CAPN14: variants seen among roughly 807,000 people sequenced by gnomAD.
The protein encoded by CAPN14 is calpain 14, also known as calpain-14.
In CAPN14, 94 loss-of-function variants were observed where a neutral mutation model predicts 101.3. That is an observed-to-expected ratio of 0.93 (90% CI 0.79 to 1.10). CAPN14 has a LOEUF of 1.10. Ranked by LOEUF, CAPN14 falls within the 50% of genes least tolerant of loss-of-function variation. The probability of loss-of-function intolerance (pLI) is 0.00; values close to 1 mark genes in which losing one functional copy is unlikely to be tolerated. For missense variants in CAPN14, 837 were observed against 828.4 expected (o/e 1.01, Z -0.13); for synonymous variants, 338 against 317.9 (o/e 1.06, Z -0.67).
upstream of CAPN14, chr2:31,217,551 T>G (rs185745276): frequency 3.9e-5 from 6 of 152,194 alleles, no homozygotes; most frequent in African/African-American, 1.4e-4. Context: ...TATATATGGG[T>G]CCTTTCTACA....
intron 2 of CAPN14, among the ~76,000 whole-genome samples, chr2:31,224,488 A>G (rs1682962009): frequency 6.6e-6 from 1 of 152,210 alleles, no homozygotes. Flanking sequence ...GACAGGTACC[A>G]GGATATCATT....
intron 1 of CAPN14, among the ~76,000 whole-genome samples, chr2:31,212,129 GCAAAACCCCATCTC>G (rs1388337771): frequency 2.6e-5 from 4 of 152,124 alleles, no homozygotes; most frequent in Admixed American, 2.6e-4. Context: ...GGCCAACATG[GCAAAACCCCATCTC>G]CACTAAAAAT....
upstream of CAPN14, among the ~76,000 whole-genome samples, chr2:31,220,593 G>A (rs1013616078): frequency 6.6e-6 from 1 of 152,192 alleles, no homozygotes; most frequent in Non-Finnish European, 1.5e-5. Context: ...GGGAGGCCGA[G>A]GCAGGCGGAT....
rs934408797 is a variant in CAPN14, at chr2:31,177,099, G to C, written c.1899C>G (p.Arg633=). 2 of 1,551,268 alleles carry C rather than the reference G, an allele frequency of 1.3e-6. No individual in the cohort carries two copies. Among genetic ancestry groups the C allele is most frequent in the African/African-American group, 2.7e-5 (2 of 73,060 alleles). The stretch of plus-strand genomic sequence containing the variant: ...CCATCTGGAGGCGGGGGCCGCCGTA[G>C]CGGATGAGCATCAGCTGACAGACGT... ...SDDVCQLMLI[R]YGGPRLQMDF... Residue 633 remains arginine (R), a synonymous_variant, in exon 20 of 22, where the codon CGC becomes CGG. Coordinates refer to ENST00000403897, the MANE Select transcript of CAPN14 (RefSeq NM_001145122.2).
chr2:31,220,308 G>A (rs1000088910), upstream of CAPN14, among the ~76,000 whole-genome samples: 3 of 152,170 alleles, frequency 2.0e-5, no homozygotes, highest in Admixed American at 6.5e-5. Context: ...TTAGACTCAC[G>A]TTAAGGAACA....
intron 1 of CAPN14, among the ~76,000 whole-genome samples, chr2:31,228,642 T>C (rs1340774509): frequency 6.6e-6 from 1 of 152,218 alleles, no homozygotes; most frequent in Admixed American, 6.5e-5. Flanking sequence ...TTAAACAGCT[T>C]CTTAAATAGG....
intron 1 of CAPN14, among the ~76,000 whole-genome samples, chr2:31,214,976 GCAT>G (rs56234342): frequency 0.61 from 92,316 of 151,280 alleles, 29,007 homozygotes; most frequent in East Asian, 0.94. Context: ...GAGCCCTGGG[GCAT>G]CATCTCTTCT....
intron 3 of CAPN14, among the ~76,000 whole-genome samples, chr2:31,202,854 G>T (rs771366077): frequency 3.9e-5 from 6 of 152,072 alleles, no homozygotes; most frequent in African/African-American, 1.2e-4. Context: ...ACTTAGGCAG[G>T]GTATGGCATT....
Position 31,180,804 on chromosome 2 carries a change from T to C in CAPN14, c.1710+132A>G, listed in dbSNP as rs984730738. ...TTCAGATGAGCATCTGGATACATAA[T>C]GAGGCTCAGTGGCTTGTCCAGGATC... On this transcript the variant is annotated intron_variant, in intron 17 of 21. Coordinates refer to ENST00000403897, the MANE Select transcript of CAPN14 (RefSeq NM_001145122.2). 71 of 702,576 alleles carry C rather than the reference T, an allele frequency of 1.0e-4. 1 individual carries two copies. In the Middle Eastern group the frequency reaches 1.4e-3, roughly 14 times the overall value. The allele number at this position is 702,576 out of a possible 1,614,324, so 43.5% of individuals were successfully genotyped here.
At position 31,183,701 on chromosome 2, in the gene CAPN14, G is replaced by C. The variant is rs574145485; in HGVS notation, c.1646-2701C>G. Among the ~76,000 whole-genome samples, 3 of 152,238 alleles carry C rather than the reference G, an allele frequency of 2.0e-5. No individual in the cohort carries two copies. In the East Asian group the frequency reaches 5.8e-4, roughly 29 times the overall value. ...GTCAGGAAACAACAGGTGCTGGAGA[G>C]GATGTGGAGAAATAGGAACATTTTT... On this transcript the variant is annotated intron_variant, in intron 16 of 21. Coordinates refer to ENST00000403897, the MANE Select transcript of CAPN14 (RefSeq NM_001145122.2).
rs1006782986 is a variant in CAPN14 at position 31,178,488 on chromosome 2, G to T, written c.1779+23C>A. The T allele has an allele frequency of 5.9e-6, 9 of 1,537,154 alleles. No individual in the cohort carries two copies. In the South Asian group the frequency reaches 7.2e-5, roughly 12 times the overall value. On this transcript the variant is annotated intron_variant, in intron 18 of 21. Coordinates refer to ENST00000403897, the MANE Select transcript of CAPN14 (RefSeq NM_001145122.2). Reference sequence around the variant, plus strand: ...CATTCCTACACCATCTTCCAAAGAGGTGTGGTTAAGACTTGTTCTTACCTG... The same window carrying T: ...CATTCCTACACCATCTTCCAAAGAGTTGTGGTTAAGACTTGTTCTTACCTG...
chr2:31,188,517 C>T (rs1433969941), intron 13 of CAPN14, among the ~76,000 whole-genome samples, 163 bp from the exon 14 acceptor site: 1 of 152,172 alleles, frequency 6.6e-6, no homozygotes, highest in African/African-American at 2.4e-5. Context: ...TTGAACTGTA[C>T]ATTCCAGCCA....
chr2:31,229,781 T>G (rs998981301), intron 1 of CAPN14, among the ~76,000 whole-genome samples: 2 of 152,120 alleles, frequency 1.3e-5, no homozygotes, highest in African/African-American at 4.8e-5. Context: ...TCCATTTCCC[T>G]TTTTTGTCCC....
At chr2:31,194,553 G>T in intron 8 of CAPN14, 70 bp from the exon 9 acceptor site, 1 of 987,500 alleles carries the variant, frequency 1.0e-6, no homozygotes, top group Non-Finnish European at 1.6e-6. Flanking sequence ...AGGCTCTATA[G>T]TGTCATTATT....
At chr2:31,228,687 T>C (rs1486704334) in intron 1 of CAPN14, among the ~76,000 whole-genome samples, 2 of 152,230 alleles carry the variant, frequency 1.3e-5, no homozygotes, top group Non-Finnish European at 2.9e-5. Flanking sequence ...ATAAAAGTAA[T>C]AATCATTATA....
rs58301767 is a variant in CAPN14, at chr2:31,187,533, T to C, written c.1587+225A>G. Among the ~76,000 whole-genome samples the C allele has an allele frequency of 2.6e-5, 4 of 152,224 alleles. No homozygotes were observed. The East Asian group carries it at 5.8e-4, about 22-fold the overall frequency. On this transcript the variant is annotated intron_variant, in intron 15 of 21. Transcript: ENST00000403897. ...TTTCCCTACAACTAATCAATGAGCG[T>C]CCAAGAACAGAGAATCATTTTACAG...
intron 1 of CAPN14, among the ~76,000 whole-genome samples, chr2:31,207,083 T>C (rs1369932354): frequency 7.9e-5 from 12 of 152,202 alleles, no homozygotes; most frequent in Non-Finnish European, 1.8e-4. Context: ...ACAAACTGCC[T>C]ATTACACCCC....
At chr2:31,197,614 G>C (rs1437659684) in intron 7 of CAPN14, among the ~76,000 whole-genome samples, 1 of 152,152 alleles carries the variant, frequency 6.6e-6, no homozygotes, top group Non-Finnish European at 1.5e-5. Flanking sequence ...TCCCCAAAGA[G>C]GATATGTACA....
At chr2:31,200,753 C>G (rs1681717494) in intron 5 of CAPN14, 128 bp from the exon 6 acceptor site, 4 of 875,118 alleles carry the variant, frequency 4.6e-6, no homozygotes, top group Non-Finnish European at 6.8e-6. Context: ...CTCAGGCAAC[C>G]CTGACATAGT....
Sources: gnomAD v4.1 joint callset for allele counts (sites outside exome capture counted in the v4.1 genomes callset) on GRCh38, gnomAD v4.1.1 for gene constraint, MANE v1.5 for transcripts, NCBI Gene and HGNC (gene_info 2026-07-23, HGNC 2026-07-21) for gene names.